Variants in SLC3A1 observed in about 807,000 individuals in gnomAD.
SLC3A1 encodes amino acid transporter heavy chain SLC3A1.
A neutral mutation model predicts 60.3 loss-of-function variants in SLC3A1; 78 were observed. The ratio of observed to expected loss-of-function variants is 1.29; its 90% CI spans 1.08 to 1.56. SLC3A1 has a LOEUF of 1.56. Among genes scored for constraint, SLC3A1 ranks in the 40% most tolerant of loss-of-function variants. SLC3A1 has a pLI of 0.00. For synonymous variants in SLC3A1, 392 were observed against 307.9 expected (o/e 1.27, Z -2.86); for missense variants, 1,172 against 858.9 (o/e 1.36, Z -4.56).
intron 9 of SLC3A1, chr2:44,316,199 A>AT (rs1558471268): frequency 1.3e-5 from 2 of 152,270 alleles, no homozygotes; most frequent in African/African-American, 4.8e-5. Flanking sequence ...AACCAAGGCC[A>AT]TAAAAGGGAG....
intron 1 of SLC3A1, among the ~76,000 whole-genome samples, chr2:44,279,632 AG>A: frequency 1.3e-5 from 2 of 152,374 alleles, no homozygotes; most frequent in East Asian, 3.9e-4. Context: ...CATTAAAAAA[AG>A]GAAAAAAGAA....
At position 44,298,111 on chromosome 2, in the gene SLC3A1, G is replaced by A. The variant is rs112645250; in HGVS notation, c.892-1860G>A. On this transcript the variant is annotated intron_variant, in intron 4 of 9. Transcript: ENST00000260649. ...ATATACCTATGCGTGAAATTGCTGG[G>A]TCTTATGGTAACTTGATGTTTAACC... Among the ~76,000 whole-genome samples, 35 of 152,218 alleles carry A rather than the reference G, an allele frequency of 2.3e-4. No individual in the cohort carries two copies. The Middle Eastern group carries it at 0.014, about 59-fold the overall frequency.
chr2:44,297,075 A>T (rs192672592), intron 4 of SLC3A1, among the ~76,000 whole-genome samples: 1 of 152,338 alleles, frequency 6.6e-6, no homozygotes, highest in South Asian at 2.1e-4. Flanking sequence ...TCTAATACAC[A>T]AGTGAACTGT....
rs191040776 is a variant in SLC3A1, at chr2:44,316,928, A to C, written c.1617+2977A>C. On this transcript the variant is annotated intron_variant, in intron 9 of 9. Transcript: ENST00000260649. The stretch of plus-strand genomic sequence containing the variant: ...ACAATGTATTAAAGAAGGAAAAGGA[A>C]ATAACTTGATTTAAATAATTTTTGA... Among the ~76,000 whole-genome samples the C allele has an allele frequency of 1.8e-3, 267 of 152,330 alleles. 2 individuals carry two copies. Among genetic ancestry groups the C allele is most frequent in the African/African-American group, 6.0e-3 (248 of 41,570 alleles).
At chr2:44,303,245 A>T (rs1442926078) in intron 6 of SLC3A1, among the ~76,000 whole-genome samples, 6 of 136,574 alleles carry the variant, frequency 4.4e-5, no homozygotes, top group Non-Finnish European at 7.7e-5. Context: ...CTGAGATCCA[A>T]TTTTTTTTTT....
At chr2:44,300,176 A>G in intron 5 of SLC3A1, 86 bp downstream of exon 5, 1 of 1,388,306 alleles carries the variant, frequency 7.2e-7, no homozygotes, top group Non-Finnish European at 1.0e-6. Flanking sequence ...GATACCAGTT[A>G]CAAAGATGAG....
intron 1 of SLC3A1, among the ~76,000 whole-genome samples, chr2:44,279,030 ACT>A (rs1671413546): frequency 6.7e-6 from 1 of 150,198 alleles, no homozygotes; most frequent in Non-Finnish European, 1.5e-5. Context: ...ATGGAGTCTC[ACT>A]CTGTCACCTA....
intron 9 of SLC3A1, among the ~76,000 whole-genome samples, chr2:44,317,138 C>T (rs1265768770): frequency 1.3e-5 from 2 of 152,054 alleles, no homozygotes; most frequent in African/African-American, 2.4e-5. Flanking sequence ...TAGCCATTAA[C>T]CACTGTGACT....
At chr2:44,319,341 A>G (rs547830400) in intron 9 of SLC3A1, 1 of 152,752 alleles carries the variant, frequency 6.5e-6, no homozygotes, top group South Asian at 2.1e-4. Context: ...ATACTCTTTG[A>G]CAAAGTAACT....
In SLC3A1 at chr2:44,313,875, G is replaced by C. The variant is rs200570629; in HGVS notation, c.1541G>C (p.Ser514Thr). The change falls in exon 9 of 10, where the codon AGT becomes ACT. Residue 514 changes from serine to threonine, a missense_variant. Coordinates refer to ENST00000260649, the MANE Select transcript of SLC3A1 (RefSeq NM_000341.4). ...AAGTCACCAATGCAGTGGGACAATA[G>C]TTCAAATGCTGGTTTTTCTGAAGCT... ...RSKSPMQWDN[S>T]SNAGFSEASN... is the part of the protein sequence containing the mutation. 2 of 1,614,110 alleles carry C rather than the reference G, an allele frequency of 1.2e-6. No individual in the cohort carries two copies. The highest frequency in any genetic ancestry group is 4.5e-5 in the East Asian group (2 of 44,872).
chr2:44,277,821 C>A (rs759448215), intron 1 of SLC3A1, among the ~76,000 whole-genome samples: 1 of 152,210 alleles, frequency 6.6e-6, no homozygotes, highest in East Asian at 1.9e-4. Context: ...ATTTCCAATA[C>A]CTGTTCTTGG....
chr2:44,306,401 C>T (rs773098950), intron 7 of SLC3A1, among the ~76,000 whole-genome samples: 6 of 152,074 alleles, frequency 3.9e-5, no homozygotes, highest in Non-Finnish European at 8.8e-5. Context: ...ATGTGTGTTT[C>T]CATTGCCAGA....
chr2:44,315,141 C>T (rs1672397125), intron 9 of SLC3A1: 1 of 151,856 alleles, frequency 6.6e-6, no homozygotes, highest in Non-Finnish European at 1.5e-5. Flanking sequence ...CGGGGTTTCA[C>T]CATGTTGGGC....
intron 6 of SLC3A1, among the ~76,000 whole-genome samples, chr2:44,301,799 C>G (rs748571219): frequency 2.0e-5 from 3 of 151,188 alleles, no homozygotes; most frequent in Non-Finnish European, 2.9e-5. Flanking sequence ...TGCGGTAGCT[C>G]ATGCCTGTAA....
chr2:44,278,261 G>C (rs879739620), intron 1 of SLC3A1, among the ~76,000 whole-genome samples: 1 of 151,812 alleles, frequency 6.6e-6, no homozygotes, highest in Non-Finnish European at 1.5e-5. Flanking sequence ...TGGCTAACAC[G>C]GTGAAACCCC....
At chr2:44,318,233 G>T in intron 9 of SLC3A1, 1 of 345,358 alleles carries the variant, frequency 2.9e-6, no homozygotes, top group Non-Finnish European at 5.7e-6. Flanking sequence ...TGGGATTACA[G>T]GTGCACGTCA....
In SLC3A1 at chr2:44,320,546, CCTT is replaced by C. The variant is rs1433298049; in HGVS notation, c.1967_1969del (p.Leu656del). The C allele has an allele frequency of 1.2e-6, 2 of 1,614,068 alleles. No homozygotes were observed. Among genetic ancestry groups the C allele is most frequent in the Admixed American group, 1.7e-5 (1 of 60,016 alleles). ...TCTTTGAACACAACACGAAGAATCT[CCTT>C]CATCGCCAAACAGCTTTCAGAGATA... On this transcript the variant is annotated inframe_deletion, in exon 10 of 10. Transcript: ENST00000260649.
At chr2:44,290,901 A>G (rs776058612) in intron 4 of SLC3A1, among the ~76,000 whole-genome samples, 1 of 152,116 alleles carries the variant, frequency 6.6e-6, no homozygotes, top group Non-Finnish European at 1.5e-5. Context: ...CCTCTTCTTC[A>G]TCACCAAAAC....
At chr2:44,302,988 C>T (rs998827163) in intron 6 of SLC3A1, among the ~76,000 whole-genome samples, 1 of 151,992 alleles carries the variant, frequency 6.6e-6, no homozygotes, top group African/African-American at 2.4e-5. Context: ...CATCAGAGGT[C>T]AGGAGTTTGA....
Sources: gnomAD v4.1 joint callset for allele counts (sites outside exome capture counted in the v4.1 genomes callset) on GRCh38, gnomAD v4.1.1 for gene constraint, MANE v1.5 for transcripts, NCBI Gene and HGNC (gene_info 2026-07-23, HGNC 2026-07-21) for gene names.